The following LTF variants were observed in gnomAD, a reference collection of about 807,000 sequenced individuals.
LTF encodes the protein lactotransferrin, also known as epididymis luminal protein 110.
In LTF, 91 loss-of-function variants were observed where a neutral mutation model predicts 87.2. The observed-to-expected ratio is 1.04, with a 90% confidence interval of 0.88 to 1.24. The LOEUF is 1.24. Ranked by LOEUF, LTF falls within the 50% of genes most tolerant of loss-of-function variation. The pLI is 0.00. For synonymous variants in LTF, 378 were observed against 356.1 expected (o/e 1.06, Z -0.69); for missense variants, 901 against 904.3 (o/e 1.00, Z 0.05).
At chr3:46,464,962 C>T (rs1253284862), upstream of LTF, 7 of 1,223,504 alleles carry the variant, frequency 5.7e-6, no homozygotes, top group East Asian at 1.6e-4. Context: ...CCCTGTTGCC[C>T]AATAGACACC....
intron 8 of LTF, 73 bp from the exon 9 acceptor site, chr3:46,449,090 G>C: frequency 5.6e-6 from 8 of 1,436,910 alleles, no homozygotes; most frequent in Non-Finnish European, 7.5e-6. Flanking sequence ...CCAGAGCCAG[G>C]GTCCTGCCCA....
In LTF at chr3:46,436,300, A is replaced by C. The variant is rs187002237; in HGVS notation, c.2099-71T>G. Reference sequence around the variant, plus strand: ...ATTAAACCAGTTATTTAATCCAATAAATCAAAGAGAATACTAAGAGTTTTC... The same window carrying C: ...ATTAAACCAGTTATTTAATCCAATACATCAAAGAGAATACTAAGAGTTTTC... On this transcript the variant is annotated intron_variant, in intron 16 of 16. Coordinates refer to ENST00000231751, the MANE Select transcript of LTF (RefSeq NM_002343.6). 9.5e-5 allele frequency: 128 copies of C among 1,352,062 alleles called. No individual in the cohort carries two copies. In the African/African-American group the frequency reaches 1.6e-3, roughly 17 times the overall value. The allele number at this position is 1,352,062 out of a possible 1,614,324, so 83.8% of individuals were successfully genotyped here. A position where few individuals can be genotyped will look rare whatever the true frequency, so the allele number is the denominator to read the frequency against.
At chr3:46,471,837 G>A (rs558843619) in intron 1 of LTF, among the ~76,000 whole-genome samples, 1 of 152,310 alleles carries the variant, frequency 6.6e-6, no homozygotes, top group East Asian at 1.9e-4. Flanking sequence ...TAAGCAGCAA[G>A]GGCACCGGGA....
rs1362669861 is a variant in LTF at position 46,441,424 on chromosome 3, T to C, written c.1715A>G (p.Asn572Ser). 1.9e-6 allele frequency: 3 copies of C among 1,612,906 alleles called. No homozygotes were observed. The highest frequency in any genetic ancestry group is 1.7e-6 in the Non-Finnish European group (2 of 1,179,526). ...AFVKDVTVLQNTDGNNNEAWA... is the reference protein window; with the variant it reads ...AFVKDVTVLQSTDGNNNEAWA... ...GAAACACCTTCACCTACCATCAGTG[T>C]TCTGCAAGACAGTGACATCTTTCAC... Residue 572 changes from asparagine (N) to serine (S), a missense_variant, in exon 14 of 17, where the codon AAC (asparagine) becomes AGC (serine). Coordinates refer to ENST00000231751, the MANE Select transcript of LTF (RefSeq NM_002343.6).
chr3:46,459,094 A>T (rs1703013640), intron 2 of LTF, among the ~76,000 whole-genome samples: 1 of 152,250 alleles, frequency 6.6e-6, no homozygotes, highest in Non-Finnish European at 1.5e-5. Flanking sequence ...TTGTTGAATG[A>T]ATGAGTAAAA....
Position 46,438,023 on chromosome 3 carries a change from A to C in LTF, c.2015T>G (p.Leu672Arg), listed in dbSNP as rs1291190392. The C allele has an allele frequency of 3.1e-6, 5 of 1,613,712 alleles. No individual in the cohort carries two copies. Among genetic ancestry groups the C allele is most frequent in the Non-Finnish European group, 4.2e-6 (5 of 1,179,878 alleles). The change falls in exon 16 of 17, where the codon CTC (leucine) becomes CGC (arginine). Residue 672 changes from leucine to arginine, a missense_variant. By Grantham distance (102) the Leu-to-Arg change is moderately radical. Transcript: ENST00000231751. Reference protein sequence around the residue: ...FNDNTECLARLHGKTTYEKYL... With the variant: ...FNDNTECLARRHGKTTYEKYL... ...TTTTTCATATGTTGTTTTGCCATGG[A>C]GTCTGGCCAGACACTCAGTGTTGTC... is the stretch of plus-strand genomic sequence containing the variant.
chr3:46,441,779 G>A, intron 13 of LTF: 2 of 291,086 alleles, frequency 6.9e-6, no homozygotes, highest in Non-Finnish European at 1.3e-5. Flanking sequence ...ATGGTCAACA[G>A]GACCCCCAGG....
intron 15 of LTF, among the ~76,000 whole-genome samples, chr3:46,438,850 C>G (rs1205642315): frequency 1.3e-5 from 2 of 152,124 alleles, no homozygotes; most frequent in African/African-American, 2.4e-5. Context: ...TTAGAGAGCC[C>G]TAAATCTATA....
chr3:46,483,823 C>T (rs577672554), intron 1 of LTF, among the ~76,000 whole-genome samples: 9 of 151,986 alleles, frequency 5.9e-5, no homozygotes, highest in South Asian at 2.1e-4. Context: ...TAAAAAAAAA[C>T]GGAGACAGGG....
chr3:46,472,043 T>A (rs1451963612), intron 1 of LTF, among the ~76,000 whole-genome samples: 1 of 152,098 alleles, frequency 6.6e-6, no homozygotes, highest in Non-Finnish European at 1.5e-5. Context: ...GTGTCGCTCT[T>A]TCTGGGCATA....
At chr3:46,477,194 C>G (rs1559612935) in intron 1 of LTF, among the ~76,000 whole-genome samples, 1 of 152,244 alleles carries the variant, frequency 6.6e-6, no homozygotes, top group Non-Finnish European at 1.5e-5. Flanking sequence ...TTCAGCCACT[C>G]TGTTTGGGAA....
chr3:46,443,509 G>T lies in LTF; in HGVS notation c.1587C>A (p.Asp529Glu), dbSNP rs139298219. 26 of 1,614,072 alleles carry T rather than the reference G, an allele frequency of 1.6e-5. No homozygotes were observed. In the South Asian group the frequency reaches 2.9e-4, roughly 18 times the overall value. ...GCACGCACTTATTCTCACCCTGCTC[G>T]TCGCCAATACACAGAGCACAGAGAT... ...RSNLCALCIG[D>E]EQGENKCVPN... Residue 529 changes from aspartate to glutamate, a missense_variant, in exon 13 of 17, where the codon GAC becomes GAA. Transcript: ENST00000231751.
chr3:46,483,162 G>A (rs1703473935), intron 1 of LTF, among the ~76,000 whole-genome samples: 2 of 152,210 alleles, frequency 1.3e-5, no homozygotes, highest in Admixed American at 6.5e-5. Context: ...AAGAGCCACA[G>A]GAATGCAAGG....
At chr3:46,440,080 G>A (rs1304562795) in intron 14 of LTF, among the ~76,000 whole-genome samples, 1 of 152,256 alleles carries the variant, frequency 6.6e-6, no homozygotes, top group Admixed American at 6.5e-5. Context: ...AAGCGTTCTA[G>A]AGTTGGATTG....
At position 46,438,021 on chromosome 3, in the gene LTF, G is replaced by A. The variant is rs1180489239; in HGVS notation, c.2017C>T (p.His673Tyr). ...NDNTECLARL[H>Y]GKTTYEKYLG... ...TATTTTTCATATGTTGTTTTGCCAT[G>A]GAGTCTGGCCAGACACTCAGTGTTG... Residue 673 changes from histidine (H) to tyrosine (Y), a missense_variant, in exon 16 of 17, where the codon CAT becomes TAT. Transcript: ENST00000231751. 6.2e-7 allele frequency: 1 copy of A among 1,613,684 alleles called. No homozygotes were observed. Among genetic ancestry groups the A allele is most frequent in the Non-Finnish European group, 8.5e-7 (1 of 1,179,884 alleles).
rs1456229165 is a variant in LTF, at chr3:46,478,347, C to T, written c.-320+6639G>A. Among the ~76,000 whole-genome samples, 3 of 152,172 alleles carry T rather than the reference C, an allele frequency of 2.0e-5. No homozygotes were observed. In the East Asian group the frequency reaches 5.8e-4, roughly 29 times the overall value. Reference sequence around the variant, plus strand: ...CTCTCCCCCTCCAAGGGTCTCTGGGCTACAAGGGAAGCTTTCCCAGAACCC... The same window carrying T: ...CTCTCCCCCTCCAAGGGTCTCTGGGTTACAAGGGAAGCTTTCCCAGAACCC... On this transcript the variant is annotated intron_variant, in intron 1 of 19. Coordinates refer to the LTF transcript ENST00000443496.
upstream of LTF, among the ~76,000 whole-genome samples, chr3:46,468,724 G>A (rs893979058): frequency 6.6e-6 from 1 of 152,218 alleles, no homozygotes; most frequent in Admixed American, 6.5e-5. Context: ...ATCAACTCAC[G>A]CTTGGACAAT....
rs1204650669 is a variant in LTF, at chr3:46,455,823, T to A, written c.472A>T (p.Thr158Ser). ...IGTLRPFLNW[T>S]GPPEPIEAAV... ...GCCTCAATGGGCTCAGGTGGACCCG[T>A]CCAATTCAAGAATGGACGAAGTGTC... The change falls in exon 4 of 17, where the codon ACG (threonine) becomes TCG (serine). Residue 158 changes from threonine to serine, a missense_variant. Coordinates refer to ENST00000231751, the MANE Select transcript of LTF (RefSeq NM_002343.6). 6.3e-7 allele frequency: 1 copy of A among 1,590,668 alleles called. No individual in the cohort carries two copies. Among genetic ancestry groups the A allele is most frequent in the Non-Finnish European group, 8.6e-7 (1 of 1,168,554 alleles).
intron 1 of LTF, among the ~76,000 whole-genome samples, chr3:46,482,617 AAAG>A: frequency 4.8e-5 from 2 of 41,688 alleles, no homozygotes; most frequent in Non-Finnish European, 1.0e-4. Flanking sequence ...AAGAAGAAAG[AAAG>A]AAAGAAAGAA....
Sources: gnomAD v4.1 joint callset for allele counts (sites outside exome capture counted in the v4.1 genomes callset) on GRCh38, gnomAD v4.1.1 for gene constraint, MANE v1.5 for transcripts, NCBI Gene and HGNC (gene_info 2026-07-23, HGNC 2026-07-21) for gene names.